The following RYR3 variants were observed in gnomAD, a reference collection of about 807,000 sequenced individuals.
RYR3 encodes ryanodine receptor 3.
In RYR3, 207 loss-of-function variants were observed where a neutral mutation model predicts 584.3. That is an observed-to-expected ratio of 0.35 (90% CI 0.32 to 0.40). The LOEUF (loss-of-function observed/expected upper bound fraction) is 0.40. Among genes scored for constraint, RYR3 ranks in the 10% least tolerant of loss-of-function variants. RYR3 has a pLI of 1.00. For missense variants in RYR3, 5,616 were observed against 6,089.2 expected, an observed-to-expected ratio of 0.92 and a Z score of 2.59; for synonymous variants, 2,416 against 2,248.5, an observed-to-expected ratio of 1.07 and a Z score of -2.11.
chr15:33,410,213 T>C (rs2043307227), intron 1 of RYR3, among the ~76,000 whole-genome samples: 2 of 152,342 alleles, frequency 1.3e-5, no homozygotes, highest in South Asian at 2.1e-4. Context: ...AAGCAAATCC[T>C]TGGGGCTGAT....
At chr15:33,329,628 G>A (rs1375499310) in intron 1 of RYR3, among the ~76,000 whole-genome samples, 2 of 152,168 alleles carry the variant, frequency 1.3e-5, no homozygotes, top group Non-Finnish European at 2.9e-5. Context: ...CTGGAGCTAT[G>A]TTGGTAAAAA....
At chr15:33,821,674 A>G in intron 80 of RYR3, 72 bp downstream of exon 80, 1 of 1,465,972 alleles carries the variant, frequency 6.8e-7, no homozygotes, top group Non-Finnish European at 9.5e-7. Flanking sequence ...GCTTCAGGGA[A>G]GAGGAGTTGA....
chr15:33,350,604 A>G (rs968399218), intron 1 of RYR3, among the ~76,000 whole-genome samples: 1 of 151,878 alleles, frequency 6.6e-6, no homozygotes, highest in African/African-American at 2.4e-5. Flanking sequence ...GGATTAAGAA[A>G]CTCACTCAAA....
chr15:33,369,195 G>C (rs1334000851), intron 1 of RYR3, among the ~76,000 whole-genome samples: 1 of 152,160 alleles, frequency 6.6e-6, no homozygotes, highest in Non-Finnish European at 1.5e-5. Context: ...CCTAGAAAGT[G>C]GCAGAACCAG....
intron 69 of RYR3, 101 bp from the exon 70 acceptor site, chr15:33,807,454 G>T: frequency 1.8e-6 from 2 of 1,142,704 alleles, no homozygotes; most frequent in Admixed American, 2.0e-5. Flanking sequence ...AGAAATGGGG[G>T]CTAAGAAGCT....
chr15:33,798,272 G>A (rs1167585853), intron 67 of RYR3, among the ~76,000 whole-genome samples: 1 of 151,878 alleles, frequency 6.6e-6, no homozygotes, highest in East Asian at 1.9e-4. Context: ...TATTTTTTTA[G>A]TAGACACAGG....
intron 16 of RYR3, among the ~76,000 whole-genome samples, chr15:33,592,432 A>T (rs1185983502): frequency 6.6e-6 from 1 of 152,098 alleles, no homozygotes; most frequent in African/African-American, 2.4e-5. Context: ...ACTTCTGGGG[A>T]TCACACTTGA....
intron 61 of RYR3, 27 bp downstream of exon 61, chr15:33,768,734 G>A (rs758092003): frequency 2.5e-5 from 40 of 1,607,564 alleles, no homozygotes; most frequent in Middle Eastern, 3.3e-4. Flanking sequence ...TCAAGGTACC[G>A]CTCCTCCCTG....
intron 16 of RYR3, among the ~76,000 whole-genome samples, chr15:33,600,535 G>A (rs578027282): frequency 2.0e-5 from 3 of 152,128 alleles, no homozygotes; most frequent in East Asian, 3.9e-4. Context: ...AGAGGTGAGC[G>A]TGCAGGACAA....
chr15:33,848,471 A>G (rs200652750), intron 94 of RYR3, 50 bp downstream of exon 94: 29 of 1,555,196 alleles, frequency 1.9e-5, no homozygotes, highest in Non-Finnish European at 2.5e-5. Flanking sequence ...TCTCTACTGT[A>G]AATAGAGTAA....
chr15:33,349,126 G>C (rs1391910393), intron 1 of RYR3, among the ~76,000 whole-genome samples: 1 of 42,660 alleles, frequency 2.3e-5, no homozygotes, highest in Non-Finnish European at 4.5e-5. Flanking sequence ...TTTTTTTTTT[G>C]CTAGATAATA....
chr15:33,563,424 G>A (rs1418034920), intron 11 of RYR3, among the ~76,000 whole-genome samples: 1 of 152,166 alleles, frequency 6.6e-6, no homozygotes, highest in Non-Finnish European at 1.5e-5. Context: ...TAACAAGCCC[G>A]CAGGAACCCA....
intron 20 of RYR3, among the ~76,000 whole-genome samples, chr15:33,625,603 C>T (rs993571864): frequency 3.3e-5 from 5 of 152,116 alleles, no homozygotes; most frequent in Admixed American, 6.5e-5. Flanking sequence ...TTTTAATCAC[C>T]TGGTATGGAG....
chr15:33,375,891 C>T (rs957839208), intron 1 of RYR3, among the ~76,000 whole-genome samples: 1 of 152,070 alleles, frequency 6.6e-6, no homozygotes, highest in African/African-American at 2.4e-5. Context: ...AGTGAAACCC[C>T]GTCTCTACTA....
chr15:33,709,164 G>A (rs2066922432), intron 43 of RYR3, among the ~76,000 whole-genome samples: 1 of 152,200 alleles, frequency 6.6e-6, no homozygotes, highest in Non-Finnish European at 1.5e-5. Flanking sequence ...TTTGGCAAAG[G>A]ATGTCAGCTT....
chr15:33,732,277 A>G (rs2069026474), intron 48 of RYR3, among the ~76,000 whole-genome samples: 1 of 151,102 alleles, frequency 6.6e-6, no homozygotes, highest in Admixed American at 6.6e-5. Context: ...AGTCCCAGCT[A>G]CTCGGGAGGC....
chr15:33,744,140 C>T (rs1434386855), intron 52 of RYR3, among the ~76,000 whole-genome samples: 1 of 152,180 alleles, frequency 6.6e-6, no homozygotes, highest in East Asian at 1.9e-4. Flanking sequence ...CACACATTCT[C>T]ACAGCGTTCA....
intron 2 of RYR3, among the ~76,000 whole-genome samples, chr15:33,496,502 A>G (rs1043633105): frequency 6.6e-6 from 1 of 152,100 alleles, no homozygotes; most frequent in Admixed American, 6.6e-5. Context: ...TGACATCCTC[A>G]TATATGCGCT....
intron 1 of RYR3, among the ~76,000 whole-genome samples, chr15:33,457,373 A>G (rs78660958): frequency 0.031 from 4,756 of 152,326 alleles, 96 homozygotes; most frequent in Middle Eastern, 0.051. Context: ...ATAGATGAAG[A>G]TAATGTAATG....
Sources: gnomAD v4.1 joint callset for allele counts (sites outside exome capture counted in the v4.1 genomes callset) on GRCh38, gnomAD v4.1.1 for gene constraint, MANE v1.5 for transcripts, NCBI Gene and HGNC (gene_info 2026-07-23, HGNC 2026-07-21) for gene names.